Variants in SLC37A1 observed in about 807,000 individuals in gnomAD.
The protein encoded by SLC37A1 is solute carrier family 37 member 1.
SLC37A1 carries 49 observed loss-of-function variants against 75.3 expected under a neutral mutation model. That is an observed-to-expected ratio of 0.65 (90% CI 0.52 to 0.83). SLC37A1 has a LOEUF of 0.83. SLC37A1 is among the 40% of genes least tolerant of loss of function. The probability of loss-of-function intolerance (pLI) is 0.00; values close to 1 mark genes in which losing one functional copy is unlikely to be tolerated. For synonymous variants in SLC37A1, 268 were observed against 292.1 expected, an observed-to-expected ratio of 0.92 and a Z score of 0.84; for missense variants, 566 against 695.0, an observed-to-expected ratio of 0.81 and a Z score of 2.09.
intron 10 of SLC37A1, among the ~76,000 whole-genome samples, chr21:42,554,657 A>G (rs2055637939): frequency 6.6e-6 from 1 of 152,214 alleles, no homozygotes; most frequent in African/African-American, 2.4e-5. Context: ...TGGGACCAAG[A>G]AAAGGGAGAA....
Position 42,564,765 on chromosome 21 carries a change from G to A in SLC37A1, c.1193G>A (p.Gly398Asp). ...DRLEKRASTC[G>D]LMLLLAAPTL... ...CTGGAGAAAAGGGCCTCCACCTGCG[G>A]CCTGATGCTGCTGCTCGCGGCCCCC... The change falls in exon 14 of 20, where the codon GGC becomes GAC. Residue 398 changes from glycine (G) to aspartate (D), a missense_variant. By Grantham distance (94) the Gly-to-Asp change is moderately conservative. Coordinates refer to ENST00000352133, the MANE Select transcript of SLC37A1 (RefSeq NM_001320537.2). 1 of 1,608,316 alleles carries A rather than the reference G, an allele frequency of 6.2e-7. No individual in the cohort carries two copies.
intron 9 of SLC37A1, among the ~76,000 whole-genome samples, chr21:42,551,933 CT>C (rs1222563808): frequency 6.6e-6 from 1 of 152,126 alleles, no homozygotes; most frequent in Non-Finnish European, 1.5e-5. Context: ...CTTTGCTGAC[CT>C]TGTACCTGGG....
chr21:42,551,182 A>G (rs1000271360), intron 9 of SLC37A1, among the ~76,000 whole-genome samples: 2 of 152,252 alleles, frequency 1.3e-5, no homozygotes, highest in Non-Finnish European at 2.9e-5. Flanking sequence ...CCTCAAAAAA[A>G]TGGTTAGAGT....
At chr21:42,508,654 C>T (rs1434095506) in intron 2 of SLC37A1, 1 of 152,196 alleles carries the variant, frequency 6.6e-6, no homozygotes, top group Non-Finnish European at 1.5e-5. Context: ...CAGAGGAATG[C>T]TTCACTGAAA....
In SLC37A1 at chr21:42,563,505, C is replaced by T. The variant is rs535533579; in HGVS notation, c.1073-310C>T. On this transcript the variant is annotated intron_variant, in intron 12 of 19. Transcript: ENST00000352133. ...GTGACAGGATGATCGAGCATCCAGG[C>T]GCCTTCCACACCTCCACTTCTGTCC... Among the ~76,000 whole-genome samples, 23 of 141,984 alleles carry T rather than the reference C, an allele frequency of 1.6e-4. 1 individual carries two copies. In the South Asian group the frequency reaches 4.7e-3, roughly 29 times the overall value. 93.1% of individuals were successfully genotyped at this position (141,984 alleles called of 152,430 possible).
At chr21:42,558,854 A>G in intron 10 of SLC37A1, 104 bp from the exon 11 acceptor site, 1 of 1,451,294 alleles carries the variant, frequency 6.9e-7, no homozygotes, top group East Asian at 2.4e-5. Flanking sequence ...AGTGGAAGAG[A>G]GAGCCGCCAG....
At chr21:42,579,881 G>C in intron 19 of SLC37A1, 81 bp downstream of exon 19, 1 of 1,341,738 alleles carries the variant, frequency 7.5e-7, no homozygotes, top group Admixed American at 1.9e-5. Flanking sequence ...TCTGCACCTG[G>C]CTTTCCTGAA....
chr21:42,545,890 C>G lies in SLC37A1; in HGVS notation c.731-1213C>G, dbSNP rs2055396274. Among the ~76,000 whole-genome samples the G allele has an allele frequency of 6.6e-6, 1 of 152,262 alleles. No homozygotes were observed. The highest frequency in any genetic ancestry group is 1.5e-5 in the Non-Finnish European group (1 of 68,040). On this transcript the variant is annotated intron_variant, in intron 8 of 19. Coordinates refer to ENST00000352133, the MANE Select transcript of SLC37A1 (RefSeq NM_001320537.2). This position sits in a 1 kb window ranked among gnomAD's most constrained non-coding sequence, Gnocchi z 4.0. ...GCACCCCACAGCCAGCCACGGACCT[C>G]TGGGTGCAGACCCACCTGGCCCTAC...
Position 42,534,812 on chromosome 21 carries a change from T to G in SLC37A1, c.253T>G (p.Cys85Gly). The G allele has an allele frequency of 6.2e-7, 1 of 1,613,872 alleles. No homozygotes were observed. The highest frequency in any genetic ancestry group is 2.2e-5 in the East Asian group (1 of 44,872). Reference protein sequence around the residue: ...PHQLPDNETDCGWAPFDKNNY... With the variant: ...PHQLPDNETDGGWAPFDKNNY... ...CCAGCTCCCTGACAATGAGACCGACTGTGGCTGGGCACCGTTTGGTAAGTC... is the reference window on the plus strand; with the variant it reads ...CCAGCTCCCTGACAATGAGACCGACGGTGGCTGGGCACCGTTTGGTAAGTC... Residue 85 changes from cysteine to glycine, a missense_variant, in exon 4 of 20, where the codon TGT becomes GGT. Transcript: ENST00000352133.
At chr21:42,511,648 G>A (rs2054434155), upstream of SLC37A1, among the ~76,000 whole-genome samples, 1 of 152,184 alleles carries the variant, frequency 6.6e-6, no homozygotes, top group African/African-American at 2.4e-5. Flanking sequence ...AGCTGGGCAT[G>A]GTGGCATGGG....
At chr21:42,505,571 A>G (rs2054376901) in intron 2 of SLC37A1, among the ~76,000 whole-genome samples, 1 of 152,090 alleles carries the variant, frequency 6.6e-6, no homozygotes, top group Admixed American at 6.6e-5. Context: ...AAGGCTGGAG[A>G]GGCATGACCC....
chr21:42,562,038 T>C (rs1234518168), intron 11 of SLC37A1, 40 bp from the exon 12 acceptor site: 2 of 1,527,472 alleles, frequency 1.3e-6, no homozygotes, highest in Non-Finnish European at 1.8e-6. Flanking sequence ...ACCTGCTGAC[T>C]CCACATTTGG....
intron 3 of SLC37A1, among the ~76,000 whole-genome samples, chr21:42,529,153 AAGTC>A (rs1300221595): frequency 4.6e-5 from 7 of 152,328 alleles, no homozygotes; most frequent in Non-Finnish European, 8.8e-5. Flanking sequence ...ATAGACAAAA[AAGTC>A]AGTAGAATAG....
chr21:42,517,388 G>T (rs1482491876), intron 1 of SLC37A1, among the ~76,000 whole-genome samples: 1 of 152,152 alleles, frequency 6.6e-6, no homozygotes, highest in African/African-American at 2.4e-5. Context: ...GTTCTGGCTG[G>T]AGCAGATAGA....
chr21:42,500,015 G>A (rs978316787), intron 1 of SLC37A1, among the ~76,000 whole-genome samples: 6 of 152,218 alleles, frequency 3.9e-5, no homozygotes, highest in East Asian at 1.9e-4. Context: ...TTGCCATGGC[G>A]ACTGAGTCCC....
intron 17 of SLC37A1, among the ~76,000 whole-genome samples, 200 bp downstream of exon 17, chr21:42,568,638 C>T (rs549694022): frequency 3.3e-5 from 5 of 152,232 alleles, no homozygotes; most frequent in East Asian, 1.9e-4. Context: ...GAGAGACGGG[C>T]GTGTGACTAG....
chr21:42,501,471 G>A (rs2054341265), intron 1 of SLC37A1, among the ~76,000 whole-genome samples: 1 of 152,356 alleles, frequency 6.6e-6, no homozygotes, highest in Admixed American at 6.5e-5. Context: ...AGCACTTTGG[G>A]AGGCCAAGGT....
chr21:42,579,688 C>T (rs1412408593), intron 18 of SLC37A1, 48 bp from the exon 19 acceptor site: 1 of 1,610,616 alleles, frequency 6.2e-7, no homozygotes, highest in Non-Finnish European at 8.5e-7. Context: ...CGCGGGCCGC[C>T]CTGTGCCTGC....
intron 14 of SLC37A1, 59 bp downstream of exon 14, chr21:42,564,852 C>T: frequency 2.0e-6 from 3 of 1,483,156 alleles, no homozygotes; most frequent in Non-Finnish European, 2.8e-6. Flanking sequence ...CACTGTCCTC[C>T]TCGCCAGCCA....
Sources: gnomAD v4.1 joint callset for allele counts (sites outside exome capture counted in the v4.1 genomes callset) on GRCh38, gnomAD v4.1.1 for gene constraint, Gnocchi (gnomAD v3.1) non-coding constraint, MANE v1.5 for transcripts, NCBI Gene and HGNC (gene_info 2026-07-23, HGNC 2026-07-21) for gene names.